ST18: variants seen among roughly 807,000 people sequenced by gnomAD.
ST18 encodes suppression of tumorigenicity 18 protein.
ST18 carries 50 observed loss-of-function variants against 110.0 expected under a neutral mutation model. The observed-to-expected ratio is 0.45, with a 90% CI of 0.36 to 0.58. ST18 has a LOEUF of 0.58. Ranked by LOEUF, ST18 falls within the 20% of genes least tolerant of loss-of-function variation. The pLI, the probability that ST18 is intolerant of heterozygous loss-of-function variation, is 0.00. For missense variants in ST18, 1,306 were observed against 1,280.1 expected (o/e 1.02, Z -0.31); for synonymous variants, 461 against 452.4 (o/e 1.02, Z -0.24).
intron 2 of ST18, among the ~76,000 whole-genome samples, chr8:52,287,680 G>A (rs547527682): frequency 1.3e-5 from 2 of 152,138 alleles, no homozygotes; most frequent in Non-Finnish European, 2.9e-5. Flanking sequence ...CCCAAGCTTT[G>A]GCATTGCATA....
At chr8:52,139,688 T>C (rs530648063) in intron 17 of ST18, among the ~76,000 whole-genome samples, 2 of 148,772 alleles carry the variant, frequency 1.3e-5, no homozygotes, top group African/African-American at 4.9e-5. Flanking sequence ...CCGATTAATA[T>C]TGCCAGGAGA....
chr8:52,133,212 A>T, intron 20 of ST18, 27 bp downstream of exon 20: 1 of 1,614,124 alleles, frequency 6.2e-7, no homozygotes, highest in Non-Finnish European at 8.5e-7. Flanking sequence ...GCTCATTTCC[A>T]CATCTCAGAA....
intron 14 of ST18, among the ~76,000 whole-genome samples, chr8:52,160,369 C>A (rs1167005297): frequency 6.6e-6 from 1 of 152,146 alleles, no homozygotes; most frequent in African/African-American, 2.4e-5. Context: ...CCCTGATAGG[C>A]AAATTCCTTT....
chr8:52,344,620 C>A (rs984608281), intron 2 of ST18, among the ~76,000 whole-genome samples: 1 of 152,104 alleles, frequency 6.6e-6, no homozygotes, highest in African/African-American at 2.4e-5. Flanking sequence ...AGGCTGGTCA[C>A]GAACCCCTGA....
rs1180974680 is a variant in ST18 at position 52,112,416 on chromosome 8, T to C, written c.*782A>G. 1 of 152,778 alleles carries C rather than the reference T, an allele frequency of 6.5e-6. No individual in the cohort carries two copies. Among genetic ancestry groups the C allele is most frequent in the East Asian group, 1.9e-4 (1 of 5,190 alleles). 9.5% of individuals were successfully genotyped at this position (152,778 alleles called of 1,614,324 possible). A position where few individuals can be genotyped will look rare whatever the true frequency, so the allele number is the denominator to read the frequency against. On this transcript the variant is annotated 3_prime_UTR_variant, in exon 26 of 26. Coordinates refer to ENST00000689386, the MANE Select transcript of ST18 (RefSeq NM_001352837.2). ...AAATCTGCATCACTAAAAAGGCTTA[T>C]GTTTCTTTAAAACATTTCAAATAAA...
Position 52,113,315 on chromosome 8 carries a change from A to C in ST18, c.3027T>G (p.Phe1009Leu). The C allele has an allele frequency of 3.1e-6, 5 of 1,613,970 alleles. No homozygotes were observed. The highest frequency in any genetic ancestry group is 4.2e-6 in the Non-Finnish European group (5 of 1,179,902). Residue 1009 changes from phenylalanine (F) to leucine (L), a missense_variant, in exon 26 of 26, where the codon TTT becomes TTG. Transcript: ENST00000689386. Reference protein sequence around the residue: ...PQMGPISEQNFEAYVNTLTDM... With the variant: ...PQMGPISEQNLEAYVNTLTDM... ...CTGTGAGTGTATTTACATATGCTTC[A>C]AAATTCTGCTCACTGATAGGTCCCT...
At position 52,235,716 on chromosome 8, in the gene ST18, G is replaced by A. The variant is rs867951541; in HGVS notation, c.-464-5639C>T. 1.6e-4 allele frequency among the ~76,000 whole-genome samples: 25 copies of A among 152,220 alleles called. No individual in the cohort carries two copies. The Middle Eastern group carries it at 0.01, about 62-fold the overall frequency. On this transcript the variant is annotated intron_variant, in intron 2 of 25. Transcript: ENST00000689386. ...CTAGTGAAGTAGGAAATAATCTTAT[G>A]AACAGTTTACTCATAAGTTGAGATT... is the stretch of plus-strand genomic sequence containing the variant.
intron 2 of ST18, among the ~76,000 whole-genome samples, chr8:52,327,136 T>G (rs1471439010): frequency 6.6e-6 from 1 of 152,252 alleles, no homozygotes; most frequent in Non-Finnish European, 1.5e-5. Context: ...AATTCTTCTA[T>G]GCTGTCTGCA....
intron 17 of ST18, among the ~76,000 whole-genome samples, chr8:52,140,751 T>C (rs1051269437): frequency 1.8e-4 from 28 of 152,160 alleles, no homozygotes; most frequent in African/African-American, 6.0e-4. Context: ...TAATCATGCT[T>C]CATTTTTCTG....
intron 2 of ST18, chr8:52,301,702 A>G (rs1481520712): frequency 6.6e-6 from 1 of 152,240 alleles, no homozygotes; most frequent in African/African-American, 2.4e-5. Context: ...ATTCTATGAA[A>G]TACTAGAAAG....
chr8:52,272,611 G>A (rs534160243), intron 2 of ST18, among the ~76,000 whole-genome samples: 1 of 150,466 alleles, frequency 6.6e-6, no homozygotes, highest in East Asian at 1.9e-4. Flanking sequence ...TGTATACTGC[G>A]GGTAGGAATG....
In ST18 at chr8:52,132,029, C is replaced by G. The variant is rs1221330651; in HGVS notation, c.2595G>C (p.Glu865Asp). 2 of 1,614,110 alleles carry G rather than the reference C, an allele frequency of 1.2e-6. No homozygotes were observed. The highest frequency in any genetic ancestry group is 3.3e-5 in the Admixed American group (2 of 60,006). Residue 865 changes from glutamate to aspartate, a missense_variant, in exon 22 of 26, where the codon GAG becomes GAC. By Grantham distance (45) the Glu-to-Asp change is conservative. Transcript: ENST00000689386. The stretch of plus-strand genomic sequence containing the variant: ...AGCCTGGCAAGGGACAATGTGGTAG[C>G]TCTTGTTTGTTCAGTTTCCAGGAGA... ...ASLSWKLNKQELPHCPLPGCN... is the reference protein window; with the variant it reads ...ASLSWKLNKQDLPHCPLPGCN...
At chr8:52,113,980 TTTTTTTG>T (rs1210006701) in intron 25 of ST18, among the ~76,000 whole-genome samples, 33 of 104,090 alleles carry the variant, frequency 3.2e-4, no homozygotes, top group African/African-American at 6.0e-4. Flanking sequence ...TTTTTTTTTT[TTTTTTTG>T]GAGTCAGAGT....
chr8:52,355,875 T>A (rs1822496947), intron 2 of ST18, among the ~76,000 whole-genome samples: 1 of 152,188 alleles, frequency 6.6e-6, no homozygotes, highest in South Asian at 2.1e-4. Context: ...CTTGCCTTCA[T>A]TTCATCTGAC....
intron 2 of ST18, among the ~76,000 whole-genome samples, chr8:52,291,860 G>A (rs945305951): frequency 6.6e-6 from 1 of 151,884 alleles, no homozygotes; most frequent in African/African-American, 2.4e-5. Context: ...CTGCAGCCTC[G>A]ACCTCCTCGG....
At chr8:52,241,556 A>G (rs1202987874) in intron 2 of ST18, among the ~76,000 whole-genome samples, 2 of 152,228 alleles carry the variant, frequency 1.3e-5, no homozygotes, top group South Asian at 2.1e-4. Context: ...CTTTGCCTAC[A>G]TATCACTTTC....
At chr8:52,289,011 A>G (rs1168153505) in intron 2 of ST18, among the ~76,000 whole-genome samples, 1 of 152,150 alleles carries the variant, frequency 6.6e-6, no homozygotes, top group Non-Finnish European at 1.5e-5. Context: ...TGACCATCAG[A>G]GTTCAGGAAC....
intron 8 of ST18, among the ~76,000 whole-genome samples, chr8:52,195,540 T>G (rs1406205916): frequency 6.6e-6 from 1 of 152,130 alleles, no homozygotes; most frequent in Non-Finnish European, 1.5e-5. Flanking sequence ...ATATTTGCCT[T>G]ACCAAAATCA....
Position 52,214,424 on chromosome 8 carries a change from C to T in ST18, c.1-167G>A, listed in dbSNP as rs148844893. 316 of 613,068 alleles carry T rather than the reference C, an allele frequency of 5.2e-4. No homozygotes were observed. In the Middle Eastern group the frequency reaches 8.0e-3, roughly 15 times the overall value. 38.0% of individuals were successfully genotyped at this position (613,068 alleles called of 1,614,324 possible). A position where few individuals can be genotyped will look rare whatever the true frequency, so the allele number is the denominator to read the frequency against. On this transcript the variant is annotated intron_variant, in intron 6 of 25. Coordinates refer to ENST00000689386, the MANE Select transcript of ST18 (RefSeq NM_001352837.2). ...TAACTGTGACTCCCCCCACATACCA[C>T]CAGCTTTGGAAATACATCTACAGTT...
Sources: gnomAD v4.1 joint callset for allele counts (sites outside exome capture counted in the v4.1 genomes callset) on GRCh38, gnomAD v4.1.1 for gene constraint, MANE v1.5 for transcripts, NCBI Gene and HGNC (gene_info 2026-07-23, HGNC 2026-07-21) for gene names.